TCF20: variants seen among roughly 807,000 people sequenced by gnomAD.
The protein encoded by TCF20 is transcription factor 20.
In TCF20, 3 loss-of-function variants were observed where a neutral mutation model predicts 148.6. That is an observed-to-expected ratio of 0.02 (90% confidence interval 0.01 to 0.05). The LOEUF (loss-of-function observed/expected upper bound fraction) is 0.05, where lower values mean the gene tolerates loss of function less well. Among genes scored for constraint, TCF20 ranks in the 10% least tolerant of loss-of-function variants. The probability of loss-of-function intolerance (pLI) is 1.00; values close to 1 mark genes in which losing one functional copy is unlikely to be tolerated. For missense variants in TCF20, 2,350 were observed against 2,429.3 expected (o/e 0.97, Z 0.69); for synonymous variants, 1,049 against 909.5 (o/e 1.15, Z -2.76).
intron 3 of TCF20, among the ~76,000 whole-genome samples, chr22:42,177,565 C>T (rs1316140680): frequency 1.3e-5 from 2 of 151,884 alleles, no homozygotes; most frequent in African/African-American, 4.8e-5. Flanking sequence ...AGTCAAAACT[C>T]AAGTCTTCTG....
At chr22:42,166,765 A>C (rs1176470576) in intron 5 of TCF20, among the ~76,000 whole-genome samples, 1 of 152,158 alleles carries the variant, frequency 6.6e-6, no homozygotes, top group East Asian at 1.9e-4. Context: ...CAATTCCAGG[A>C]CAAAAACAAA....
At chr22:42,253,290 C>T (rs962472284) in intron 1 of TCF20, among the ~76,000 whole-genome samples, 1 of 152,150 alleles carries the variant, frequency 6.6e-6, no homozygotes, top group African/African-American at 2.4e-5. Context: ...TTAGTAGAGA[C>T]GCTACTTGAG....
At chr22:42,167,369 G>A (rs763096998) in intron 5 of TCF20, among the ~76,000 whole-genome samples, 5 of 152,210 alleles carry the variant, frequency 3.3e-5, no homozygotes, top group Non-Finnish European at 7.3e-5. Flanking sequence ...TGGTGGTGCC[G>A]GAAGGGACAC....
intron 2 of TCF20, among the ~76,000 whole-genome samples, chr22:42,180,140 T>C (rs925188465): frequency 2.6e-5 from 4 of 152,232 alleles, no homozygotes; most frequent in Admixed American, 2.6e-4. Flanking sequence ...TAGAGTTATA[T>C]ATAAACCTTT....
upstream of TCF20, among the ~76,000 whole-genome samples, chr22:42,275,483 G>A (rs914757222): frequency 4.6e-5 from 7 of 152,178 alleles, no homozygotes; most frequent in African/African-American, 7.2e-5. Flanking sequence ...GACTCTCATC[G>A]GGCCAGTCAC....
chr22:42,286,117 C>G (rs551103782), upstream of TCF20, among the ~76,000 whole-genome samples: 16 of 152,292 alleles, frequency 1.1e-4, no homozygotes, highest in South Asian at 3.3e-3. Flanking sequence ...GTGAAGCTGA[C>G]AGCGTAACAG....
chr22:42,231,722 G>A (rs917585098), intron 1 of TCF20, among the ~76,000 whole-genome samples: 2 of 152,080 alleles, frequency 1.3e-5, no homozygotes, highest in African/African-American at 2.4e-5. Context: ...AAGGTCAGCA[G>A]ATCAAGACCA....
chr22:42,337,382 T>C (rs1928085042), intron 1 of TCF20, among the ~76,000 whole-genome samples: 2 of 151,956 alleles, frequency 1.3e-5, no homozygotes, highest in East Asian at 1.9e-4. Context: ...ATTCACAGCC[T>C]GGCATCAGCT....
chr22:42,209,021 C>A (rs1472677160), intron 2 of TCF20, among the ~76,000 whole-genome samples: 1 of 152,188 alleles, frequency 6.6e-6, no homozygotes, highest in Non-Finnish European at 1.5e-5. Flanking sequence ...GCAGTCTTCT[C>A]AACTGCAGCA....
intron 4 of TCF20, among the ~76,000 whole-genome samples, chr22:42,169,568 G>C (rs544668046): frequency 6.6e-6 from 1 of 152,332 alleles, no homozygotes; most frequent in African/African-American, 2.4e-5. Flanking sequence ...GATCGAGTTA[G>C]ATATTCTCAC....
Position 42,246,694 on chromosome 22 carries a change from A to C in TCF20, c.-37+23645T>G, listed in dbSNP as rs573069212. ...TTTAGAAAGGTATAATAGGCTGGGC[A>C]CGGTGGCTCACGCCTGTAATCCCAG... On this transcript the variant is annotated intron_variant, in intron 1 of 5. Transcript: ENST00000677622. 5.3e-4 allele frequency among the ~76,000 whole-genome samples: 80 copies of C among 152,336 alleles called. 1 individual carries two copies. The highest frequency in any genetic ancestry group is 1.9e-3 in the African/African-American group (78 of 41,590).
Position 42,211,534 on chromosome 22 carries a change from G to A in TCF20, c.3772C>T (p.Arg1258Cys). 6.2e-7 allele frequency: 1 copy of A among 1,614,166 alleles called. No individual in the cohort carries two copies. Among genetic ancestry groups the A allele is most frequent in the Non-Finnish European group, 8.5e-7 (1 of 1,180,028 alleles). Residue 1258 changes from arginine (R) to cysteine (C), a missense_variant, in exon 2 of 6, where the codon CGT becomes TGT. By Grantham distance (180) the Arg-to-Cys change is radical. This residue lies in a region of TCF20 where 1,641 missense variants were observed against 1,662.6 expected (regional missense o/e 0.99). Coordinates refer to ENST00000677622, the MANE Select transcript of TCF20 (RefSeq NM_001378418.1). Reference protein sequence around the residue: ...QNPLIMRRRVRSFISPIPSKR... With the variant: ...QNPLIMRRRVCSFISPIPSKR... ...CTGGGAATGGGAGAGATAAAAGAACGAACACGCCTCCTCATGATTAAGGGG... is the reference window on the plus strand; with the variant it reads ...CTGGGAATGGGAGAGATAAAAGAACAAACACGCCTCCTCATGATTAAGGGG...
intron 1 of TCF20, among the ~76,000 whole-genome samples, chr22:42,327,333 TG>T (rs1927892795): frequency 6.6e-6 from 1 of 152,162 alleles, no homozygotes; most frequent in South Asian, 2.1e-4. Context: ...GCACCTGCCA[TG>T]GCCCTCAGAA....
At position 42,178,585 on chromosome 22, in the gene TCF20, CTT is replaced by C. The variant is rs71184870; in HGVS notation, c.5749+1022_5749+1023del. Among the ~76,000 whole-genome samples the C allele has an allele frequency of 8.4e-3, 661 of 78,450 alleles. 3 individuals carry two copies. Among genetic ancestry groups the C allele is most frequent in the African/African-American group, 0.027 (554 of 20,238 alleles). 51.5% of individuals were successfully genotyped at this position (78,450 alleles called of 152,430 possible). A position where few individuals can be genotyped will look rare whatever the true frequency, so the allele number is the denominator to read the frequency against. On this transcript the variant is annotated intron_variant, in intron 3 of 5. Transcript: ENST00000677622. ...CACATATCCAGAATTACAAATAATT[CTT>C]TTTTTTTTTTTTTTTTTTTTTGAGA...
chr22:42,212,643 A>G lies in TCF20; in HGVS notation c.2663T>C (p.Met888Thr), dbSNP rs1921111269. ...CCTCCCAATTCTGGTGTCGGCACTCATGTGTCCCAGTGAGTGAGCCCCTGG... is the reference window on the plus strand; with the variant it reads ...CCTCCCAATTCTGGTGTCGGCACTCGTGTGTCCCAGTGAGTGAGCCCCTGG... ...RDPGAHSLGHMSADTRIGRND... is the reference protein window; with the variant it reads ...RDPGAHSLGHTSADTRIGRND... The change falls in exon 2 of 6, where the codon ATG becomes ACG. Residue 888 changes from methionine (M) to threonine (T), a missense_variant. Physicochemically the swap from Met to Thr is moderately conservative, Grantham distance 81. This residue lies in a region of TCF20 where 1,641 missense variants were observed against 1,662.6 expected (regional missense o/e 0.99). Coordinates refer to ENST00000677622, the MANE Select transcript of TCF20 (RefSeq NM_001378418.1). 6.2e-7 allele frequency: 1 copy of G among 1,614,010 alleles called. No individual in the cohort carries two copies. The highest frequency in any genetic ancestry group is 1.7e-5 in the Admixed American group (1 of 60,006).
chr22:42,224,389 G>A (rs1041134397), intron 1 of TCF20, among the ~76,000 whole-genome samples: 3 of 151,550 alleles, frequency 2.0e-5, no homozygotes, highest in Admixed American at 6.6e-5. Context: ...GGAGAATGGC[G>A]TGAACCTGGG....
intron 1 of TCF20, among the ~76,000 whole-genome samples, chr22:42,228,476 A>G (rs1923106158): frequency 6.6e-6 from 1 of 152,228 alleles, no homozygotes; most frequent in African/African-American, 2.4e-5. Context: ...ATTCAAATGA[A>G]GACAACATGG....
intron 5 of TCF20, among the ~76,000 whole-genome samples, chr22:42,164,143 A>G (rs1228233601): frequency 2.0e-5 from 3 of 151,604 alleles, no homozygotes; most frequent in Non-Finnish European, 4.4e-5. Flanking sequence ...TTCTGAATCT[A>G]TACTGATTAA....
chr22:42,270,731 G>A (rs1435302562), upstream of TCF20, among the ~76,000 whole-genome samples: 2 of 143,294 alleles, frequency 1.4e-5, no homozygotes, highest in Admixed American at 1.4e-4. Context: ...GGCGCGCGGC[G>A]GGGCGGGGCG....
Sources: allele counts gnomAD v4.1 joint callset (sites outside exome capture counted in the v4.1 genomes callset), GRCh38; gene constraint gnomAD v4.1.1; regional missense constraint gnomAD v4.1.1; transcripts MANE v1.5; gene names NCBI Gene and HGNC (gene_info 2026-07-23, HGNC 2026-07-21).